SPATS2: variants seen among roughly 807,000 people sequenced by gnomAD.
The protein encoded by SPATS2 is spermatogenesis associated serine rich 2.
A neutral mutation model predicts 63.7 loss-of-function variants in SPATS2; 38 were observed. That is an observed-to-expected ratio of 0.60 (90% CI 0.46 to 0.78). The LOEUF (loss-of-function observed/expected upper bound fraction) is 0.78. Among genes scored for constraint, SPATS2 ranks in the 30% least tolerant of loss-of-function variants. The probability of loss-of-function intolerance (pLI) is 0.00; values close to 1 mark genes in which losing one functional copy is unlikely to be tolerated. For missense variants in SPATS2, 588 were observed against 666.2 expected (o/e 0.88, Z 1.29); for synonymous variants, 207 against 232.9 (o/e 0.89, Z 1.01).
At chr12:49,371,039 G>A (rs1407488873) in intron 1 of SPATS2, among the ~76,000 whole-genome samples, 189 bp from the exon 2 acceptor site, 3 of 152,278 alleles carry the variant, frequency 2.0e-5, no homozygotes, top group African/African-American at 7.2e-5. Context: ...AAAAATTATT[G>A]TGGTAAACTA....
intron 2 of SPATS2, among the ~76,000 whole-genome samples, chr12:49,412,707 C>T (rs562774400): frequency 4.9e-4 from 74 of 150,468 alleles, no homozygotes; most frequent in African/African-American, 1.7e-3. Context: ...GATCACAACA[C>T]ACTGTACTAC....
chr12:49,385,354 A>G (rs935960285), intron 2 of SPATS2, among the ~76,000 whole-genome samples: 1 of 99,562 alleles, frequency 1.0e-5, no homozygotes, highest in African/African-American at 4.5e-5. Flanking sequence ...ATGTAAGTAT[A>G]TAAGTGTGTG....
intron 10 of SPATS2, among the ~76,000 whole-genome samples, chr12:49,516,893 G>A (rs939979606): frequency 1.3e-5 from 2 of 151,840 alleles, no homozygotes; most frequent in Non-Finnish European, 2.9e-5. Flanking sequence ...TGAAAATCCT[G>A]GTTCTCAATG....
intron 3 of SPATS2, chr12:49,462,248 C>T: frequency 1.4e-6 from 1 of 701,488 alleles, no homozygotes; most frequent in East Asian, 2.7e-5. Flanking sequence ...CTCCTTTACT[C>T]AGCCTGCCTC....
Position 49,431,070 on chromosome 12 carries a change from G to A in SPATS2, c.-243-29700G>A, listed in dbSNP as rs148009736. Among the ~76,000 whole-genome samples the A allele has an allele frequency of 1.7e-3, 257 of 152,186 alleles. 3 individuals are homozygous for A. The highest frequency in any genetic ancestry group is 6.1e-3 in the African/African-American group (254 of 41,508). On this transcript the variant is annotated intron_variant, in intron 2 of 13. Coordinates refer to ENST00000552918, the MANE Select transcript of SPATS2 (RefSeq NM_023071.4). ...TATTCCAATGTCAAAATATAAAAAG[G>A]TAGACTGAAAAGTCTTTCTTACCCT...
intron 2 of SPATS2, among the ~76,000 whole-genome samples, chr12:49,450,087 T>C (rs1945591514): frequency 6.6e-6 from 1 of 152,140 alleles, no homozygotes; most frequent in African/African-American, 2.4e-5. Flanking sequence ...TAAGCCCTTT[T>C]TTTATTGGTT....
chr12:49,420,952 A>G (rs1222357158), intron 2 of SPATS2, among the ~76,000 whole-genome samples: 1 of 152,214 alleles, frequency 6.6e-6, no homozygotes, highest in African/African-American at 2.4e-5. Flanking sequence ...GGCTGCAGCA[A>G]GCTGTAATTG....
At chr12:49,440,673 T>A (rs2137548921) in intron 2 of SPATS2, among the ~76,000 whole-genome samples, 1 of 152,226 alleles carries the variant, frequency 6.6e-6, no homozygotes, top group Non-Finnish European at 1.5e-5. Flanking sequence ...TTCACCATGT[T>A]AGCCAGGATG....
chr12:49,500,247 C>A, intron 9 of SPATS2, 42 bp downstream of exon 9: 1 of 1,569,584 alleles, frequency 6.4e-7, no homozygotes, highest in South Asian at 1.2e-5. Flanking sequence ...TAAAAATGAT[C>A]ATATATAAAT....
At chr12:49,415,064 C>G (rs562171666) in intron 2 of SPATS2, among the ~76,000 whole-genome samples, 4 of 151,456 alleles carry the variant, frequency 2.6e-5, no homozygotes, top group Admixed American at 2.6e-4. Flanking sequence ...CTTAGCCTCC[C>G]GAGTAGAGGC....
intron 9 of SPATS2, among the ~76,000 whole-genome samples, chr12:49,502,579 G>A (rs1230405778): frequency 6.6e-6 from 1 of 151,958 alleles, no homozygotes; most frequent in East Asian, 1.9e-4. Context: ...AGCCTCCCTA[G>A]TCCCCTAGCT....
chr12:49,453,444 C>A (rs1945660715), intron 2 of SPATS2, among the ~76,000 whole-genome samples: 1 of 151,966 alleles, frequency 6.6e-6, no homozygotes, highest in South Asian at 2.1e-4. Flanking sequence ...GAATCTTTTT[C>A]TCACTGTGGT....
rs1027868308 is a variant in SPATS2, at chr12:49,463,494, C to T, written c.25+2457C>T. 2.6e-5 allele frequency: 4 copies of T among 151,656 alleles called. No individual in the cohort carries two copies. The South Asian group carries it at 8.3e-4, about 31-fold the overall frequency. The allele number at this position is 151,656 out of a possible 1,614,324, so 9.4% of individuals were successfully genotyped here. A position where few individuals can be genotyped will look rare whatever the true frequency, so the allele number is the denominator to read the frequency against. ...TGGTTGAACTTAGCCTAGATTTACA[C>T]TTAGTTGGAAACAAAGTAAAGCTTA... On this transcript the variant is annotated intron_variant, in intron 3 of 13. Coordinates refer to ENST00000552918, the MANE Select transcript of SPATS2 (RefSeq NM_023071.4).
intron 2 of SPATS2, among the ~76,000 whole-genome samples, chr12:49,400,658 G>A (rs1944589600): frequency 6.6e-6 from 1 of 152,112 alleles, no homozygotes; most frequent in African/African-American, 2.4e-5. Context: ...TTTCACTGAG[G>A]AAGTGGAAGG....
chr12:49,443,596 G>GT (rs1283292370), intron 2 of SPATS2, among the ~76,000 whole-genome samples: 1 of 150,880 alleles, frequency 6.6e-6, no homozygotes, highest in Admixed American at 6.6e-5. Flanking sequence ...TTCCTCTTAT[G>GT]TTTTTTCTAG....
At chr12:49,502,946 T>C (rs369031498) in intron 9 of SPATS2, among the ~76,000 whole-genome samples, 3 of 152,340 alleles carry the variant, frequency 2.0e-5, no homozygotes, top group African/African-American at 7.2e-5. Context: ...AAGGTCTAAC[T>C]TCTGGAAATT....
intron 4 of SPATS2, among the ~76,000 whole-genome samples, chr12:49,485,472 G>A (rs751257652): frequency 7.3e-5 from 11 of 151,406 alleles, no homozygotes; most frequent in Non-Finnish European, 1.3e-4. Context: ...AGTGATTCTT[G>A]TGCCTCAGCC....
intron 3 of SPATS2, among the ~76,000 whole-genome samples, chr12:49,482,096 T>C (rs1282198428): frequency 6.6e-6 from 1 of 152,204 alleles, no homozygotes; most frequent in Non-Finnish European, 1.5e-5. Flanking sequence ...ACTTGAGGTG[T>C]TGGTTTAAGT....
At chr12:49,374,389 C>G (rs961683435) in intron 2 of SPATS2, among the ~76,000 whole-genome samples, 1 of 152,032 alleles carries the variant, frequency 6.6e-6, no homozygotes, top group African/African-American at 2.4e-5. Context: ...CTTGGCCTTC[C>G]GAAGTGCTGG....
Sources: gnomAD v4.1 joint callset for allele counts (sites outside exome capture counted in the v4.1 genomes callset) on GRCh38, gnomAD v4.1.1 for gene constraint, MANE v1.5 for transcripts, NCBI Gene and HGNC (gene_info 2026-07-23, HGNC 2026-07-21) for gene names.